The following IL1RAPL2 variants were observed in gnomAD, a reference collection of about 807,000 sequenced individuals.
IL1RAPL2 encodes the protein interleukin 1 receptor accessory protein like 2, also known as X-linked interleukin-1 receptor accessory protein-like 2.
Under a neutral mutation model 44.1 loss-of-function variants are expected in IL1RAPL2, and 3 were observed. The ratio of observed to expected loss-of-function variants is 0.07; its 90% confidence interval spans 0.03 to 0.18. The LOEUF (loss-of-function observed/expected upper bound fraction) is 0.18, where lower values mean the gene tolerates loss of function less well. Among genes scored for constraint, IL1RAPL2 ranks in the 10% least tolerant of loss-of-function variants. The probability of loss-of-function intolerance (pLI) is 1.00; values close to 1 mark genes in which losing one functional copy is unlikely to be tolerated. For synonymous variants in IL1RAPL2, 181 were observed against 178.8 expected (o/e 1.01, Z -0.10); for missense variants, 391 against 496.4 (o/e 0.79, Z 2.02).
intron 1 of IL1RAPL2, among the ~76,000 whole-genome samples, chrX:104,636,274 A>T (rs988194636): frequency 8.0e-5 from 9 of 112,155 alleles, no homozygotes; most frequent in African/African-American, 2.6e-4. Context: ...CCTCCCAGTT[A>T]GGCTACTCAG....
At chrX:104,873,626 A>T (rs1349408988) in intron 2 of IL1RAPL2, among the ~76,000 whole-genome samples, 1 of 110,712 alleles carries the variant, frequency 9.0e-6, no homozygotes, top group Non-Finnish European at 1.9e-5. Flanking sequence ...CAAGGCGGTA[A>T]ATCACTCGAT....
chrX:105,118,764 T>G (rs2032888944), intron 2 of IL1RAPL2, among the ~76,000 whole-genome samples: 1 of 112,275 alleles, frequency 8.9e-6, no homozygotes, highest in Non-Finnish European at 1.9e-5. Context: ...CACAGATAGT[T>G]ATTACCCTGT....
At chrX:104,802,821 T>C (rs942539425) in intron 2 of IL1RAPL2, among the ~76,000 whole-genome samples, 1 of 111,171 alleles carries the variant, frequency 9.0e-6, no homozygotes, top group Admixed American at 9.7e-5. Context: ...AGAATATCAA[T>C]CCCTAAGTGT....
At chrX:104,785,354 G>C (rs1421222606) in intron 2 of IL1RAPL2, among the ~76,000 whole-genome samples, 1 of 111,664 alleles carries the variant, frequency 9.0e-6, no homozygotes, top group East Asian at 2.8e-4. Flanking sequence ...TTTTAGACTT[G>C]AAAATAATCA....
At chrX:105,127,021 A>G (rs944689544) in intron 2 of IL1RAPL2, among the ~76,000 whole-genome samples, 10 of 111,452 alleles carry the variant, frequency 9.0e-5, no homozygotes, top group Admixed American at 7.6e-4. Flanking sequence ...GCAAAAATGT[A>G]TGAGCATCAG....
At chrX:105,106,246 G>A (rs1402933018) in intron 2 of IL1RAPL2, among the ~76,000 whole-genome samples, 2 of 111,471 alleles carry the variant, frequency 1.8e-5, no homozygotes, top group African/African-American at 6.5e-5. Context: ...ACCTAAAAAT[G>A]TATGAAGAAT....
intron 6 of IL1RAPL2, among the ~76,000 whole-genome samples, chrX:105,565,378 A>G (rs1277820242): frequency 9.0e-6 from 1 of 111,378 alleles, no homozygotes; most frequent in Non-Finnish European, 1.9e-5. Flanking sequence ...TTTGGCAAGT[A>G]CCTAGGCTTT....
intron 2 of IL1RAPL2, among the ~76,000 whole-genome samples, chrX:104,725,513 A>C (rs976567418): frequency 8.9e-6 from 1 of 111,820 alleles, no homozygotes; most frequent in Non-Finnish European, 1.9e-5. Context: ...GTGTAAAAGC[A>C]TTCCTATTTC....
At position 105,040,407 on chromosome X, in the gene IL1RAPL2, T is replaced by C. The variant is rs186360776; in HGVS notation, c.83-155068T>C. 1.1e-4 allele frequency among the ~76,000 whole-genome samples: 12 copies of C among 111,669 alleles called. 1 individual carries two copies. The East Asian group carries it at 2.6e-3, about 24-fold the overall frequency. ...GATGCTGGCCTCATATAATGAGTTATGGAGGATTCCCTCTTTTTCTATTGA... is the reference window on the plus strand; with the variant it reads ...GATGCTGGCCTCATATAATGAGTTACGGAGGATTCCCTCTTTTTCTATTGA... On this transcript the variant is annotated intron_variant, in intron 2 of 10. Coordinates refer to ENST00000372582, the MANE Select transcript of IL1RAPL2 (RefSeq NM_017416.2).
chrX:105,002,667 C>T (rs2030872065), intron 2 of IL1RAPL2, among the ~76,000 whole-genome samples: 1 of 109,864 alleles, frequency 9.1e-6, no homozygotes, highest in Non-Finnish European at 1.9e-5. Flanking sequence ...TGTCAGTAGC[C>T]ATTATCCCAA....
chrX:105,589,084 TG>T (rs775628602), intron 6 of IL1RAPL2, among the ~76,000 whole-genome samples: 1 of 112,006 alleles, frequency 8.9e-6, no homozygotes, highest in South Asian at 3.7e-4. Flanking sequence ...CCATTCCAAG[TG>T]GAGTGAGATG....
chrX:105,379,186 A>G (rs1288443112), intron 5 of IL1RAPL2, among the ~76,000 whole-genome samples: 2 of 111,731 alleles, frequency 1.8e-5, no homozygotes, highest in African/African-American at 3.3e-5. Flanking sequence ...GGTAATTTCA[A>G]GAGAGAGTTA....
rs755066595 is a variant in IL1RAPL2, at chrX:104,964,001, A to G, written c.83-231474A>G. Among the ~76,000 whole-genome samples the G allele has an allele frequency of 1.1e-3, 124 of 109,656 alleles. 2 individuals are homozygous for G. Among genetic ancestry groups the G allele is most frequent in the African/African-American group, 3.7e-3 (110 of 30,123 alleles). ...ATCAGATATGACCCTTTATGGATCT[A>G]TGATTGGTTTACAGGTACTTTTCAT... On this transcript the variant is annotated intron_variant, in intron 2 of 10. Transcript: ENST00000372582.
intron 2 of IL1RAPL2, among the ~76,000 whole-genome samples, chrX:104,941,102 T>C (rs763872874): frequency 7.2e-4 from 80 of 110,910 alleles, no homozygotes; most frequent in African/African-American, 2.4e-3. Flanking sequence ...CAGTCTATCA[T>C]TGATGGACAT....
chrX:105,765,470 A>ACAAT (rs2038722220), intron 10 of IL1RAPL2: 2 of 112,198 alleles, frequency 1.8e-5, no homozygotes, highest in African/African-American at 3.2e-5. Flanking sequence ...CTAAAATAAA[A>ACAAT]CAATCAAAAT....
At position 105,195,542 on chromosome X, in the gene IL1RAPL2, A is replaced by T. The variant is rs2033666075; in HGVS notation, c.150A>T (p.Arg50=). The T allele has an allele frequency of 8.3e-7, 1 of 1,209,871 alleles. No homozygotes were observed. Among genetic ancestry groups the T allele is most frequent in the African/African-American group, 1.7e-5 (1 of 57,373 alleles). ...TGGCTTTGGCAGGTGAACCAGTCCG[A>T]GTGAAATGTGCCCTTTTCTACAGTT... The part of the protein sequence containing the change: ...TYMALAGEPV[R]VKCALFYSYI... Residue 50 remains arginine (R), a synonymous_variant, in exon 3 of 11, where the codon CGA becomes CGT. Coordinates refer to ENST00000372582, the MANE Select transcript of IL1RAPL2 (RefSeq NM_017416.2).
chrX:104,752,659 G>T (rs1392589939), intron 2 of IL1RAPL2, among the ~76,000 whole-genome samples: 1 of 110,195 alleles, frequency 9.1e-6, no homozygotes, highest in African/African-American at 3.3e-5. Context: ...GCCTTTGTTA[G>T]GTATACTATG....
chrX:104,700,479 C>G (rs895045565), intron 2 of IL1RAPL2, among the ~76,000 whole-genome samples: 1 of 111,891 alleles, frequency 8.9e-6, no homozygotes, highest in East Asian at 2.8e-4. Flanking sequence ...CCTCATGACT[C>G]TAGTTTTACG....
chrX:105,558,950 T>G (rs773886118), intron 6 of IL1RAPL2, among the ~76,000 whole-genome samples: 2 of 112,071 alleles, frequency 1.8e-5, no homozygotes, highest in East Asian at 5.6e-4. Flanking sequence ...TGGCATAGAT[T>G]CCACTCTATG....
Sources: gnomAD v4.1 joint callset for allele counts (sites outside exome capture counted in the v4.1 genomes callset) on GRCh38, gnomAD v4.1.1 for gene constraint, MANE v1.5 for transcripts, NCBI Gene and HGNC (gene_info 2026-07-23, HGNC 2026-07-21) for gene names.